The following GOLGA8M variants were observed in gnomAD, a reference collection of about 807,000 sequenced individuals.
GOLGA8M encodes golgin A8 family member M.
Under a neutral mutation model 87.7 loss-of-function variants are expected in GOLGA8M, and 34 were observed. That is an observed-to-expected ratio of 0.39 (90% confidence interval 0.29 to 0.52). The LOEUF is 0.52. Among genes scored for constraint, GOLGA8M ranks in the 20% least tolerant of loss-of-function variants. The pLI is 0.80. For missense variants in GOLGA8M, 396 were observed against 682.2 expected, an observed-to-expected ratio of 0.58 and a Z score of 4.67; for synonymous variants, 138 against 250.2, an observed-to-expected ratio of 0.55 and a Z score of 4.23.
rs2079840842 is a variant in GOLGA8M at position 28,702,661 on chromosome 15, GC to G, written c.1452del (p.Trp484CysfsTer96). On this transcript the variant is annotated frameshift_variant, in exon 16 of 19. Transcript: ENST00000563027. LOFTEE classifies it high-confidence loss of function. Reference sequence around the variant, plus strand: ...CCCACTCACTGATGGCATCTCTCTTGCCAGTATTGAATGAAGCGAAGTTCTT... The same window carrying G: ...CCCACTCACTGATGGCATCTCTCTTGCAGTATTGAATGAAGCGAAGTTCTT... ...KKQELRFIQY[W>X]QERCHQKIHH... The G allele has an allele frequency of 6.2e-7, 1 of 1,608,618 alleles. No individual in the cohort carries two copies. The highest frequency in any genetic ancestry group is 8.5e-7 in the Non-Finnish European group (1 of 1,179,880).
chr15:28,703,107 C>G (rs75537334), intron 15 of GOLGA8M, among the ~76,000 whole-genome samples: 42,506 of 123,110 alleles, frequency 0.35, 12,046 homozygotes, highest in East Asian at 0.83. Context: ...ATACACAGAA[C>G]AAATGGGGCA....
rs866718888 is a variant in GOLGA8M, at chr15:28,701,442, A to G, written c.*512T>C. 0.012 allele frequency among the ~76,000 whole-genome samples: 1,878 copies of G among 151,918 alleles called. 38 individuals carry two copies. The highest frequency in any genetic ancestry group is 0.043 in the African/African-American group (1,765 of 41,310). ...TCTAAATGTCAGTACTCATAGTGGC[A>G]TATTACAAAGTAATAAACAGTGCAC... is the stretch of plus-strand genomic sequence containing the variant. On this transcript the variant is annotated 3_prime_UTR_variant, in exon 19 of 19. Transcript: ENST00000563027.
At chr15:28,702,767 C>T (rs1035507221) in intron 15 of GOLGA8M, 22 bp from the exon 16 acceptor site, 1 of 1,596,798 alleles carries the variant, frequency 6.3e-7, no homozygotes, top group Non-Finnish European at 8.5e-7. Context: ...ATATTGCAGT[C>T]ACATCTCGGC....
chr15:28,708,030 A>C lies in GOLGA8M; in HGVS notation c.404T>G (p.Leu135Arg). Residue 135 changes from leucine (L) to arginine (R), a missense_variant, in exon 7 of 19, where the codon CTC becomes CGC. Around this residue, in one of 12 missense-constraint regions of GOLGA8M, gnomAD observed 80 missense variants for 119.9 expected, o/e 0.67. Coordinates refer to ENST00000563027, the MANE Select transcript of GOLGA8M (RefSeq NM_001282468.3). ...CTCTTTCTGTATGTTCAATGTCTGGAGTTGAACCTTTGGGAGAAAAGCCAA... is the reference window on the plus strand; with the variant it reads ...CTCTTTCTGTATGTTCAATGTCTGGCGTTGAACCTTTGGGAGAAAAGCCAA... The part of the protein sequence containing the change: ...QKAKRVLEVQ[L>R]QTLNIQKEEL... The C allele has an allele frequency of 3.1e-6, 5 of 1,592,106 alleles. No individual in the cohort carries two copies. The highest frequency in any genetic ancestry group is 4.2e-6 in the Non-Finnish European group (5 of 1,177,220).
At chr15:28,708,328 G>A in intron 5 of GOLGA8M, 47 bp downstream of exon 5, 1 of 1,609,256 alleles carries the variant, frequency 6.2e-7, no homozygotes, top group South Asian at 1.1e-5. Context: ...TCTGAAGGGT[G>A]AGCCTTCTTC....
Position 28,702,691 on chromosome 15 carries a change from T to C in GOLGA8M, c.1423A>G (p.Lys475Glu). The C allele has an allele frequency of 1.2e-6, 2 of 1,605,158 alleles. No homozygotes were observed. The highest frequency in any genetic ancestry group is 1.7e-6 in the Non-Finnish European group (2 of 1,179,442). Residue 475 changes from lysine to glutamate, a missense_variant, in exon 16 of 19, where the codon AAA (lysine) becomes GAA (glutamate). Coordinates refer to ENST00000563027, the MANE Select transcript of GOLGA8M (RefSeq NM_001282468.3). ...EKADLSELVKKQELRFIQYWQ... is the reference protein window; with the variant it reads ...EKADLSELVKEQELRFIQYWQ... The stretch of plus-strand genomic sequence containing the variant: ...TATTGAATGAAGCGAAGTTCTTGTT[T>C]CTTCACAAGCTCACTCAGGTCTGCC...
At chr15:28,704,172 G>T (rs878970687) in intron 13 of GOLGA8M, among the ~76,000 whole-genome samples, 73 of 148,136 alleles carry the variant, frequency 4.9e-4, no homozygotes, top group South Asian at 6.4e-4. Flanking sequence ...GGTGGCCACG[G>T]ACTGCTGCAG....
upstream of GOLGA8M, chr15:28,712,439 A>C: frequency 1.2e-6 from 2 of 1,602,148 alleles, no homozygotes; most frequent in Non-Finnish European, 1.7e-6. Context: ...AGGAGGCGTA[A>C]CCAGGGCCCC....
At chr15:28,713,327 A>T (rs1459869795), upstream of GOLGA8M, among the ~76,000 whole-genome samples, 3 of 151,472 alleles carry the variant, frequency 2.0e-5, no homozygotes, top group Admixed American at 2.0e-4. Flanking sequence ...ACAGAGCAAG[A>T]CTCCATCTCA....
In GOLGA8M at chr15:28,701,587, A is replaced by AT. The variant is rs1281591585; in HGVS notation, c.*366dup. On this transcript the variant is annotated 3_prime_UTR_variant, in exon 19 of 19. Transcript: ENST00000563027. ...TTCTGTAGTGAATATACATGCTGCAATAACATTAAAAAAGCATGGCAGCCT... is the reference window on the plus strand; with the variant it reads ...TTCTGTAGTGAATATACATGCTGCAATTAACATTAAAAAAGCATGGCAGCCT... 1.3e-5 allele frequency among the ~76,000 whole-genome samples: 2 copies of AT among 151,660 alleles called. No homozygotes were observed. Among genetic ancestry groups the AT allele is most frequent in the Non-Finnish European group, 2.9e-5 (2 of 67,994 alleles).
At position 28,708,732 on chromosome 15, in the gene GOLGA8M, A is replaced by G. The variant is rs149648506; in HGVS notation, c.310-319T>C. 3.3e-3 allele frequency among the ~76,000 whole-genome samples: 498 copies of G among 152,194 alleles called. 3 individuals are homozygous for G. The highest frequency in any genetic ancestry group is 0.011 in the African/African-American group (474 of 41,514). On this transcript the variant is annotated intron_variant, in intron 4 of 18. Transcript: ENST00000563027. ...TGATTTAGAAAAGTGGGTTCATTCA[A>G]TAAACATTTACTGAGCATGTATGGA...
chr15:28,712,759 A>G (rs1032151235), upstream of GOLGA8M, among the ~76,000 whole-genome samples: 1 of 152,210 alleles, frequency 6.6e-6, no homozygotes, highest in Admixed American at 6.5e-5. Flanking sequence ...AGCTGTCTTC[A>G]TTATCCAGCT....
rs1051759565 is a variant in GOLGA8M, at chr15:28,711,405, A to T, written c.49-799T>A. 4.9e-6 allele frequency: 3 copies of T among 613,156 alleles called. No homozygotes were observed. The African/African-American group carries it at 6.0e-5, about 12-fold the overall frequency. 38.0% of individuals were successfully genotyped at this position (613,156 alleles called of 1,614,324 possible). A position where few individuals can be genotyped will look rare whatever the true frequency, so the allele number is the denominator to read the frequency against. On this transcript the variant is annotated intron_variant, in intron 1 of 18. Coordinates refer to ENST00000563027, the MANE Select transcript of GOLGA8M (RefSeq NM_001282468.3). ...TGGAGAACTCAGAAAAAAATGTTAA[A>T]ATCTCTCTGGAAAGTAGAAGCCTGG...
intron 8 of GOLGA8M, 33 bp downstream of exon 8, chr15:28,707,715 C>T (rs1423011016): frequency 6.5e-7 from 1 of 1,541,526 alleles, no homozygotes; most frequent in Admixed American, 2.0e-5. Flanking sequence ...CAAAGCCAGA[C>T]TCCCAGGGGA....
In GOLGA8M at chr15:28,702,346, C is replaced by T. The variant is rs1162522916; in HGVS notation, c.1591G>A (p.Asp531Asn). Residue 531 changes from aspartate (D) to asparagine (N), a missense_variant, in exon 18 of 19, where the codon GAT becomes AAT. By Grantham distance (23) the Asp-to-Asn change is conservative (BLOSUM62 1). This residue lies in a region of GOLGA8M where 173 missense variants were observed against 150.2 expected (regional missense o/e 1.15). Transcript: ENST00000563027. Reference sequence around the variant, plus strand: ...TAGTTGCTGTAAGCCGCAATACCATCTGCTGCAGCTCCAGCAGCTTCACCT... The same window carrying T: ...TAGTTGCTGTAAGCCGCAATACCATTTGCTGCAGCTCCAGCAGCTTCACCT... ...DEGEAAGAAA[D>N]GIAAYSNYNN... The T allele has an allele frequency of 4.6e-6, 7 of 1,528,342 alleles. No homozygotes were observed. In the Admixed American group the frequency reaches 7.9e-5, roughly 17 times the overall value. 94.7% of individuals were successfully genotyped at this position (1,528,342 alleles called of 1,614,324 possible).
upstream of GOLGA8M, among the ~76,000 whole-genome samples, chr15:28,712,894 A>G (rs568197177): frequency 8.5e-5 from 13 of 152,106 alleles, no homozygotes; most frequent in Admixed American, 5.2e-4. Context: ...ATGCTTGATG[A>G]TTAATGAAGC....
At chr15:28,707,428 A>C (rs2080068360) in intron 8 of GOLGA8M, among the ~76,000 whole-genome samples, 1 of 145,242 alleles carries the variant, frequency 6.9e-6, no homozygotes, top group Non-Finnish European at 1.5e-5. Flanking sequence ...AACATACTAA[A>C]GGTACTCTTC....
intron 8 of GOLGA8M, 92 bp from the exon 9 acceptor site, chr15:28,706,791 C>A (rs981241496): frequency 8.7e-6 from 11 of 1,269,554 alleles, no homozygotes; most frequent in Non-Finnish European, 1.2e-5. Flanking sequence ...GCCCAATATA[C>A]AACTCGGTCA....
At chr15:28,707,359 TACACAC>T (rs143944957) in intron 8 of GOLGA8M, among the ~76,000 whole-genome samples, 9 of 114,344 alleles carry the variant, frequency 7.9e-5, no homozygotes, top group South Asian at 5.6e-4. Flanking sequence ...TCATAGTATG[TACACAC>T]ACACACACAC....
Sources: gnomAD v4.1 joint callset for allele counts (sites outside exome capture counted in the v4.1 genomes callset) on GRCh38, gnomAD v4.1.1 for gene constraint, gnomAD v4.1.1 regional missense constraint, MANE v1.5 for transcripts, NCBI Gene and HGNC (gene_info 2026-07-23, HGNC 2026-07-21) for gene names.